Variants in EPHB1 observed in about 807,000 individuals in gnomAD.
The protein encoded by EPHB1 is ephrin type-B receptor 1.
Under a neutral mutation model 94.4 loss-of-function variants are expected in EPHB1, and 30 were observed. That is an observed-to-expected ratio of 0.32 (90% confidence interval 0.24 to 0.43). The LOEUF (loss-of-function observed/expected upper bound fraction) is 0.43, where lower values mean the gene tolerates loss of function less well. Among genes scored for constraint, EPHB1 ranks in the 20% least tolerant of loss-of-function variants. The pLI, the probability that EPHB1 is intolerant of heterozygous loss-of-function variation, is 1.00. For missense variants in EPHB1, 1,055 were observed against 1,308.3 expected, an observed-to-expected ratio of 0.81 and a Z score of 2.99; for synonymous variants, 522 against 489.1, an observed-to-expected ratio of 1.07 and a Z score of -0.89.
At chr3:135,235,635 T>C (rs1257788070) in intron 12 of EPHB1, among the ~76,000 whole-genome samples, 1 of 152,162 alleles carries the variant, frequency 6.6e-6, no homozygotes, top group Non-Finnish European at 1.5e-5. Flanking sequence ...CCCAGGTGAT[T>C]CCAGTAGGTA....
At chr3:134,824,192 G>A (rs551827458) in intron 1 of EPHB1, among the ~76,000 whole-genome samples, 6 of 115,354 alleles carry the variant, frequency 5.2e-5, no homozygotes, top group African/African-American at 1.9e-4. Context: ...GTAGTTTCTT[G>A]TGTGCCCAGC....
intron 1 of EPHB1, among the ~76,000 whole-genome samples, chr3:134,907,656 C>T (rs1205353989): frequency 6.6e-6 from 1 of 151,852 alleles, no homozygotes; most frequent in African/African-American, 2.4e-5. Context: ...CCCCCCTGCC[C>T]GCCCCCTCCC....
intron 12 of EPHB1, among the ~76,000 whole-genome samples, chr3:135,220,184 G>C (rs1943243487): frequency 6.6e-6 from 1 of 152,152 alleles, no homozygotes; most frequent in African/African-American, 2.4e-5. Context: ...GAGAGAGTGA[G>C]TCCAAGTCAA....
chr3:135,183,871 C>A (rs1942258448), intron 10 of EPHB1, among the ~76,000 whole-genome samples: 1 of 152,156 alleles, frequency 6.6e-6, no homozygotes, highest in Non-Finnish European at 1.5e-5. Context: ...AATTTTATCC[C>A]ATAGAAAATA....
intron 12 of EPHB1, among the ~76,000 whole-genome samples, chr3:135,229,681 A>G (rs1031727579): frequency 6.6e-6 from 1 of 152,168 alleles, no homozygotes; most frequent in Non-Finnish European, 1.5e-5. Context: ...CAAGTTGGCT[A>G]AGCAGGGGCC....
At chr3:134,944,300 A>C (rs1054543505) in intron 2 of EPHB1, among the ~76,000 whole-genome samples, 10 of 152,132 alleles carry the variant, frequency 6.6e-5, no homozygotes. Context: ...CTAGTACTTC[A>C]TTCTTTTTTA....
intron 10 of EPHB1, among the ~76,000 whole-genome samples, chr3:135,188,717 C>A (rs1165033414): frequency 6.6e-6 from 1 of 152,190 alleles, no homozygotes; most frequent in Non-Finnish European, 1.5e-5. Flanking sequence ...AGACATGGAG[C>A]TTCTTCCTCC....
intron 1 of EPHB1, among the ~76,000 whole-genome samples, chr3:134,883,350 A>G (rs775506985): frequency 3.2e-4 from 48 of 152,206 alleles, no homozygotes; most frequent in Non-Finnish European, 6.5e-4. Context: ...CCCCTCATGC[A>G]GAGTTTATAC....
intron 3 of EPHB1, among the ~76,000 whole-genome samples, chr3:135,030,043 C>T (rs1236796): frequency 0.011 from 1,664 of 151,210 alleles, 41 homozygotes; most frequent in African/African-American, 0.039. Context: ...GCATTCTTCA[C>T]GTAGTTCTCG....
At chr3:135,080,011 G>C (rs1938107137) in intron 3 of EPHB1, among the ~76,000 whole-genome samples, 1 of 152,160 alleles carries the variant, frequency 6.6e-6, no homozygotes, top group Admixed American at 6.5e-5. Flanking sequence ...CAAGTGCACT[G>C]TTTTAACAGA....
intron 11 of EPHB1, among the ~76,000 whole-genome samples, chr3:135,198,917 C>A (rs775004244): frequency 6.6e-6 from 1 of 152,174 alleles, no homozygotes; most frequent in Non-Finnish European, 1.5e-5. Flanking sequence ...GAGCCTGGAT[C>A]CAAATCAGGT....
chr3:135,157,574 A>G (rs1446478950), intron 6 of EPHB1, among the ~76,000 whole-genome samples: 1 of 152,242 alleles, frequency 6.6e-6, no homozygotes, highest in Admixed American at 6.5e-5. Context: ...AGTGAAGCAT[A>G]TTATTGTCCC....
chr3:134,832,338 G>A (rs2036596014), intron 1 of EPHB1, among the ~76,000 whole-genome samples: 1 of 152,194 alleles, frequency 6.6e-6, no homozygotes, highest in Admixed American at 6.5e-5. Flanking sequence ...ACAGAATGGA[G>A]CCAAAGCCAG....
chr3:134,941,745 G>GCA (rs1491550727), intron 2 of EPHB1, among the ~76,000 whole-genome samples: 85 of 92,704 alleles, frequency 9.2e-4, no homozygotes, highest in South Asian at 8.0e-3. Flanking sequence ...CTTTACATAT[G>GCA]CACACAGACA....
At position 135,260,462 on chromosome 3, in the gene EPHB1, G is replaced by A. The variant is rs1401042718; in HGVS notation, c.*1342G>A. 1 of 216,716 alleles carries A rather than the reference G, an allele frequency of 4.6e-6. No homozygotes were observed. The highest frequency in any genetic ancestry group is 9.3e-6 in the Non-Finnish European group (1 of 107,452). 13.4% of individuals were successfully genotyped at this position (216,716 alleles called of 1,614,324 possible). A position where few individuals can be genotyped will look rare whatever the true frequency, so the allele number is the denominator to read the frequency against. On this transcript the variant is annotated 3_prime_UTR_variant, in exon 16 of 16. Coordinates refer to ENST00000398015, the MANE Select transcript of EPHB1 (RefSeq NM_004441.5). ...AGAGCAGAAGCATGTCTGGGTTTAC[G>A]TAAAATGGTGTCAGAGTGTGTATCC... is the stretch of plus-strand genomic sequence containing the variant.
Position 134,951,749 on chromosome 3 carries a change from C to G in EPHB1, c.502C>G (p.Leu168Val). ...VNTEVRSFGP[L>V]TRNGFYLAFQ... Reference sequence around the variant, plus strand: ...CACAGAAGTCAGGAGCTTTGGGCCTCTTACTCGGAATGGTTTTTACCTCGC... The same window carrying G: ...CACAGAAGTCAGGAGCTTTGGGCCTGTTACTCGGAATGGTTTTTACCTCGC... The change falls in exon 3 of 16, where the codon CTT becomes GTT. Residue 168 changes from leucine to valine, a missense_variant. By Grantham distance (32) the Leu-to-Val change is conservative (BLOSUM62 1). Coordinates refer to ENST00000398015, the MANE Select transcript of EPHB1 (RefSeq NM_004441.5). This position sits in a 1 kb window ranked among gnomAD's most constrained non-coding sequence, Gnocchi z 4.5. The G allele has an allele frequency of 6.2e-7, 1 of 1,614,068 alleles. No homozygotes were observed. Among genetic ancestry groups the G allele is most frequent in the Non-Finnish European group, 8.5e-7 (1 of 1,179,918 alleles).
At chr3:135,001,691 T>C (rs1199794658) in intron 3 of EPHB1, among the ~76,000 whole-genome samples, 1 of 152,068 alleles carries the variant, frequency 6.6e-6, no homozygotes, top group Non-Finnish European at 1.5e-5. Context: ...TTCTTCCCTT[T>C]GCTGCTGCTG....
chr3:135,159,564 A>T (rs763783666), intron 6 of EPHB1, among the ~76,000 whole-genome samples: 5 of 152,220 alleles, frequency 3.3e-5, no homozygotes, highest in Non-Finnish European at 7.3e-5. Flanking sequence ...CCACTGTGTC[A>T]AAGTAGAAAT....
chr3:135,172,706 G>C (rs1485207518), intron 9 of EPHB1, among the ~76,000 whole-genome samples: 1 of 152,236 alleles, frequency 6.6e-6, no homozygotes, highest in Admixed American at 6.5e-5. Context: ...CAGAGCATTA[G>C]TCAATGAGGA....
Sources: gnomAD v4.1 joint callset for allele counts (sites outside exome capture counted in the v4.1 genomes callset) on GRCh38, gnomAD v4.1.1 for gene constraint, Gnocchi (gnomAD v3.1) non-coding constraint, MANE v1.5 for transcripts, NCBI Gene and HGNC (gene_info 2026-07-23, HGNC 2026-07-21) for gene names.